Variants in PDCD6IP observed in about 807,000 individuals in gnomAD.
PDCD6IP encodes programmed cell death 6 interacting protein.
Under a neutral mutation model 103.7 loss-of-function variants are expected in PDCD6IP, and 43 were observed. The observed-to-expected ratio is 0.41, with a 90% CI of 0.32 to 0.53. The LOEUF is 0.53. PDCD6IP is among the 20% of genes least tolerant of loss of function. The probability of loss-of-function intolerance (pLI) is 0.16; values close to 1 mark genes in which losing one functional copy is unlikely to be tolerated. For missense variants in PDCD6IP, 871 were observed against 1,036.7 expected (o/e 0.84, Z 2.20); for synonymous variants, 354 against 378.7 (o/e 0.93, Z 0.76).
chr3:33,844,253 G>T, intron 11 of PDCD6IP, 30 bp downstream of exon 11: 1 of 1,245,096 alleles, frequency 8.0e-7, no homozygotes, highest in South Asian at 1.6e-5. Flanking sequence ...ACCTTCATTT[G>T]AATAAATTCC....
chr3:33,800,288 A>G (rs1264780459), intron 1 of PDCD6IP, among the ~76,000 whole-genome samples: 5 of 152,136 alleles, frequency 3.3e-5, no homozygotes, highest in Non-Finnish European at 5.9e-5. Context: ...TGTAATAACA[A>G]TCGTCCGCAA....
At chr3:33,844,070 C>G (rs1697535267) in intron 10 of PDCD6IP, 42 bp from the exon 11 acceptor site, 1 of 1,231,772 alleles carries the variant, frequency 8.1e-7, no homozygotes, top group Non-Finnish European at 1.2e-6. Flanking sequence ...AGTTTTTATA[C>G]CAGAAATGAC....
intron 9 of PDCD6IP, among the ~76,000 whole-genome samples, chr3:33,839,013 C>T (rs147985132): frequency 0.011 from 1,703 of 152,164 alleles, 24 homozygotes; most frequent in African/African-American, 0.039. Flanking sequence ...CACTTTGTTG[C>T]CCAGGCTGGT....
chr3:33,865,474 T>G (rs1279865773), intron 17 of PDCD6IP, 44 bp downstream of exon 17: 3 of 1,521,168 alleles, frequency 2.0e-6, no homozygotes, highest in African/African-American at 2.9e-5. Flanking sequence ...TAATGTTGTT[T>G]CTAGGCTCTG....
chr3:33,799,992 T>C (rs9863804), intron 1 of PDCD6IP, among the ~76,000 whole-genome samples: 3 of 151,218 alleles, frequency 2.0e-5, no homozygotes, highest in African/African-American at 7.3e-5. Flanking sequence ...TGGTGGCGGG[T>C]GCCTGTAGTC....
At chr3:33,831,295 G>T (rs12631066) in intron 7 of PDCD6IP, among the ~76,000 whole-genome samples, 4 of 151,670 alleles carry the variant, frequency 2.6e-5, no homozygotes, top group Admixed American at 6.6e-5. Flanking sequence ...ACATGTCAAA[G>T]ATTTATTTGA....
intron 11 of PDCD6IP, among the ~76,000 whole-genome samples, chr3:33,844,625 CAT>C (rs940274543): frequency 6.6e-6 from 1 of 152,068 alleles, no homozygotes; most frequent in Non-Finnish European, 1.5e-5. Flanking sequence ...ACACTGTAGA[CAT>C]GTGCTACCAT....
At chr3:33,856,903 A>G (rs1697841725) in intron 15 of PDCD6IP, among the ~76,000 whole-genome samples, 1 of 152,138 alleles carries the variant, frequency 6.6e-6, no homozygotes, top group Non-Finnish European at 1.5e-5. Context: ...TTGGGTACAT[A>G]AAAAGCCATA....
intron 7 of PDCD6IP, among the ~76,000 whole-genome samples, chr3:33,831,387 G>T (rs9311029): frequency 0.012 from 1,879 of 152,190 alleles, 35 homozygotes; most frequent in African/African-American, 0.043. Context: ...TAGGTTGTAG[G>T]TATTAAGGAG....
At chr3:33,851,644 T>G (rs539568993) in intron 12 of PDCD6IP, among the ~76,000 whole-genome samples, 168 of 152,042 alleles carry the variant, frequency 1.1e-3, no homozygotes, top group Non-Finnish European at 2.0e-3. Flanking sequence ...ACTAATTTTT[T>G]TTTTTCAATG....
At chr3:33,818,977 G>A (rs1055141477) in intron 3 of PDCD6IP, among the ~76,000 whole-genome samples, 7 of 151,908 alleles carry the variant, frequency 4.6e-5, no homozygotes, top group Admixed American at 1.3e-4. Context: ...CATTTTATTC[G>A]TGTGTAGGGC....
chr3:33,829,281 G>A (rs1697195011), intron 7 of PDCD6IP, among the ~76,000 whole-genome samples: 1 of 151,772 alleles, frequency 6.6e-6, no homozygotes, highest in Non-Finnish European at 1.5e-5. Context: ...GGTTTTTTGA[G>A]GTCTCATATT....
At chr3:33,813,771 A>G in intron 3 of PDCD6IP, 143 bp downstream of exon 3, 2 of 621,122 alleles carry the variant, frequency 3.2e-6, no homozygotes, top group Non-Finnish European at 2.9e-6. Flanking sequence ...TCAACTTTTA[A>G]TGCAATTTTG....
chr3:33,827,124 A>G (rs558728930), intron 6 of PDCD6IP: 9 of 985,444 alleles, frequency 9.1e-6, no homozygotes, highest in East Asian at 1.1e-4. Flanking sequence ...CTTAAACCAC[A>G]TATCACAGGA....
intron 15 of PDCD6IP, among the ~76,000 whole-genome samples, chr3:33,863,174 C>T (rs1307457219): frequency 6.6e-6 from 1 of 152,050 alleles, no homozygotes; most frequent in Admixed American, 6.5e-5. Context: ...ATATTCATCA[C>T]ATATTTGTGG....
At chr3:33,849,669 T>G (rs1697670519) in intron 12 of PDCD6IP, among the ~76,000 whole-genome samples, 1 of 152,248 alleles carries the variant, frequency 6.6e-6, no homozygotes, top group Non-Finnish European at 1.5e-5. Flanking sequence ...GATAACATGT[T>G]AAACCTCAAA....
chr3:33,844,265 A>T, intron 11 of PDCD6IP, 42 bp downstream of exon 11: 1 of 1,103,342 alleles, frequency 9.1e-7, no homozygotes, highest in Non-Finnish European at 1.3e-6. Flanking sequence ...ATAAATTCCC[A>T]ATTTCGACCC....
chr3:33,836,008 CT>C (rs34046608), intron 7 of PDCD6IP, 35 bp from the exon 8 acceptor site: 88,051 of 842,518 alleles, frequency 0.1, no homozygotes, highest in South Asian at 0.12. Flanking sequence ...TCACCTCCCT[CT>C]TTTTTTTTTT....
chr3:33,858,261 G>C (rs1697872680), intron 15 of PDCD6IP, among the ~76,000 whole-genome samples: 2 of 152,144 alleles, frequency 1.3e-5, no homozygotes, highest in Admixed American at 6.5e-5. Flanking sequence ...AAGAAGGCTT[G>C]AGCAAGTTAA....
Sources: allele counts gnomAD v4.1 joint callset (sites outside exome capture counted in the v4.1 genomes callset), GRCh38; gene constraint gnomAD v4.1.1; transcripts MANE v1.5; gene names NCBI Gene and HGNC (gene_info 2026-07-23, HGNC 2026-07-21).